TTYH3: variants seen among roughly 807,000 people sequenced by gnomAD.
The protein encoded by TTYH3 is tweety family member 3.
TTYH3 carries 23 observed loss-of-function variants against 68.2 expected under a neutral mutation model. The ratio of observed to expected loss-of-function variants is 0.34; its 90% confidence interval spans 0.24 to 0.48. The LOEUF (loss-of-function observed/expected upper bound fraction) is 0.48. TTYH3 is among the 20% of genes least tolerant of loss of function. The pLI, the probability that TTYH3 is intolerant of heterozygous loss-of-function variation, is 0.99. For missense variants in TTYH3, 768 were observed against 727.7 expected, an observed-to-expected ratio of 1.06 and a Z score of -0.64; for synonymous variants, 360 against 332.8, an observed-to-expected ratio of 1.08 and a Z score of -0.89.
intron 11 of TTYH3, 131 bp from the exon 12 acceptor site, chr7:2,658,155 T>G: frequency 1.1e-6 from 1 of 934,854 alleles, no homozygotes; most frequent in Non-Finnish European, 1.5e-6. Flanking sequence ...CAGTCCCACA[T>G]GGAGTGTGCA....
intron 7 of TTYH3, among the ~76,000 whole-genome samples, chr7:2,651,634 G>C (rs1786180196): frequency 6.6e-6 from 1 of 152,256 alleles, no homozygotes; most frequent in South Asian, 2.1e-4. Flanking sequence ...GCCCCTCCCA[G>C]AAGGCAGCAA....
At position 2,632,288 on chromosome 7, in the gene TTYH3, G is replaced by A. The variant is rs779156372; in HGVS notation, c.123+10G>A. The A allele has an allele frequency of 3.8e-6, 6 of 1,564,520 alleles. 1 individual carries two copies. Among genetic ancestry groups the A allele is most frequent in the Non-Finnish European group, 3.5e-6 (4 of 1,151,830 alleles). On this transcript the variant is annotated intron_variant, in intron 1 of 13. Coordinates refer to ENST00000258796, the MANE Select transcript of TTYH3 (RefSeq NM_025250.3). ...CACCGACTACCAGCAGGTGACATGG[G>A]CCTCTCGGGGTCGCGGGGTCAGGGA...
intron 8 of TTYH3, among the ~76,000 whole-genome samples, chr7:2,652,479 G>T (rs1001412340): frequency 2.6e-5 from 4 of 152,224 alleles, no homozygotes; most frequent in Non-Finnish European, 5.9e-5. Flanking sequence ...CACCCGCATC[G>T]CTGGGACTGC....
At chr7:2,642,614 G>A (rs1436383883) in intron 1 of TTYH3, among the ~76,000 whole-genome samples, 2 of 151,248 alleles carry the variant, frequency 1.3e-5, no homozygotes, top group African/African-American at 4.9e-5. Flanking sequence ...TGTGGTCCAA[G>A]CTACTTGAGA....
Position 2,660,115 on chromosome 7 carries a change from G to A in TTYH3, c.1500+1100G>A, listed in dbSNP as rs918202266. 7.3e-6 allele frequency: 9 copies of A among 1,239,928 alleles called. No individual in the cohort carries two copies. The Admixed American group carries it at 1.8e-4, about 25-fold the overall frequency. 76.8% of individuals were successfully genotyped at this position (1,239,928 alleles called of 1,614,324 possible). A position where few individuals can be genotyped will look rare whatever the true frequency, so the allele number is the denominator to read the frequency against. On this transcript the variant is annotated intron_variant, in intron 13 of 13. Coordinates refer to ENST00000258796, the MANE Select transcript of TTYH3 (RefSeq NM_025250.3). ...CCGCCTCCACCCTGCACTCACTGCC[G>A]CCCTCCCGTCGGCACTGAGCTGGGG...
rs552760153 is a variant in TTYH3 at position 2,648,098 on chromosome 7, G to A, written c.722+44G>A. 3.2e-6 allele frequency: 5 copies of A among 1,554,878 alleles called. No homozygotes were observed. The African/African-American group carries it at 5.4e-5, about 17-fold the overall frequency. On this transcript the variant is annotated intron_variant, in intron 5 of 13. Coordinates refer to ENST00000258796, the MANE Select transcript of TTYH3 (RefSeq NM_025250.3). ...GCCCCCCGTGGGCCCAAAGCGGAGG[G>A]GCAGGGCAAGGCACCATGTTACCCC...
At position 2,647,172 on chromosome 7, in the gene TTYH3, C is replaced by T; in HGVS notation, c.324C>T (p.Asn108=). The part of the protein sequence containing the change: ...SAGIAVGFYG[N]GETSDGIHRA... ...GCATCGCAGTGGGATTCTACGGCAA[C>T]GGGGAGACCAGTGATGGCATCCATA... The change falls in exon 3 of 14, where the codon AAC becomes AAT. Residue 108 remains asparagine, a synonymous_variant. Transcript: ENST00000258796. 1 of 1,606,674 alleles carries T rather than the reference C, an allele frequency of 6.2e-7. No individual in the cohort carries two copies. Among genetic ancestry groups the T allele is most frequent in the Non-Finnish European group, 8.5e-7 (1 of 1,178,044 alleles).
At chr7:2,659,654 G>A (rs746037809) in intron 13 of TTYH3, among the ~76,000 whole-genome samples, 1 of 152,128 alleles carries the variant, frequency 6.6e-6, no homozygotes, top group Non-Finnish European at 1.5e-5. Context: ...GGGGGCGGCC[G>A]GGCTACCAGG....
chr7:2,649,658 G>A lies in TTYH3; in HGVS notation c.795+19G>A, dbSNP rs1157399788. ...GTCCGTGGTGAGTGGCAGAGGGGGT[G>A]AGGTCCCCGGCTGCTGGACCTGGGC... On this transcript the variant is annotated intron_variant, in intron 6 of 13. Coordinates refer to ENST00000258796, the MANE Select transcript of TTYH3 (RefSeq NM_025250.3). The A allele has an allele frequency of 1.9e-6, 3 of 1,589,580 alleles. No individual in the cohort carries two copies. Among genetic ancestry groups the A allele is most frequent in the Non-Finnish European group, 1.7e-6 (2 of 1,173,146 alleles).
At chr7:2,649,846 T>C in intron 6 of TTYH3, 67 bp from the exon 7 acceptor site, 1 of 1,573,976 alleles carries the variant, frequency 6.4e-7, no homozygotes, top group Non-Finnish European at 8.7e-7. Flanking sequence ...GGACGGGTTC[T>C]ACCCCCGAGA....
chr7:2,632,263 C>A lies in TTYH3; in HGVS notation c.108C>A (p.Asp36Glu). The A allele has an allele frequency of 6.3e-7, 1 of 1,583,378 alleles. No individual in the cohort carries two copies. Among genetic ancestry groups the A allele is most frequent in the Non-Finnish European group, 8.6e-7 (1 of 1,162,252 alleles). Residue 36 changes from aspartate to glutamate, a missense_variant, in exon 1 of 14, where the codon GAC becomes GAA. Coordinates refer to ENST00000258796, the MANE Select transcript of TTYH3 (RefSeq NM_025250.3). ...CTAGCAGCCAGTTCCGGCCCGAGGACACCGACTACCAGCAGGTGACATGGG... is the reference window on the plus strand; with the variant it reads ...CTAGCAGCCAGTTCCGGCCCGAGGAAACCGACTACCAGCAGGTGACATGGG... ...EATSSQFRPE[D>E]TDYQQALLLL... is the part of the protein sequence containing the mutation.
At chr7:2,650,451 G>A (rs1186928373) in intron 7 of TTYH3, among the ~76,000 whole-genome samples, 1 of 152,104 alleles carries the variant, frequency 6.6e-6, no homozygotes, top group Non-Finnish European at 1.5e-5. Flanking sequence ...GGTCGTGGGT[G>A]CCTGTAATCC....
At position 2,661,952 on chromosome 7, in the gene TTYH3, T is replaced by G. The variant is rs1786510279; in HGVS notation, c.*213T>G. 3.3e-6 allele frequency: 2 copies of G among 611,720 alleles called. No homozygotes were observed. The highest frequency in any genetic ancestry group is 3.7e-5 in the African/African-American group (2 of 54,180). 37.9% of individuals were successfully genotyped at this position (611,720 alleles called of 1,614,324 possible). A position where few individuals can be genotyped will look rare whatever the true frequency, so the allele number is the denominator to read the frequency against. On this transcript the variant is annotated 3_prime_UTR_variant, in exon 14 of 14. Transcript: ENST00000258796. ...CCGTACCGCCAACTCGGGTCACACC[T>G]GAACGCTGCTGCCAGCCGATGCCCC...
chr7:2,653,682 G>C (rs1199299154), intron 9 of TTYH3, among the ~76,000 whole-genome samples: 1 of 152,186 alleles, frequency 6.6e-6, no homozygotes, highest in Non-Finnish European at 1.5e-5. Context: ...GGCCAACATG[G>C]TGAAACACCA....
rs765238250 is a variant in TTYH3 at position 2,649,669 on chromosome 7, C to T, written c.795+30C>T. 2.6e-5 allele frequency: 41 copies of T among 1,580,174 alleles called. No individual in the cohort carries two copies. In the Admixed American group the frequency reaches 5.7e-4, roughly 22 times the overall value. ...GTGGCAGAGGGGGTGAGGTCCCCGGCTGCTGGACCTGGGCACTGGGGGAGG... is the reference window on the plus strand; with the variant it reads ...GTGGCAGAGGGGGTGAGGTCCCCGGTTGCTGGACCTGGGCACTGGGGGAGG... On this transcript the variant is annotated intron_variant, in intron 6 of 13. Coordinates refer to ENST00000258796, the MANE Select transcript of TTYH3 (RefSeq NM_025250.3).
rs1360173076 is a variant in TTYH3, at chr7:2,662,326, GC to G, written c.*592del. 1.3e-5 allele frequency: 2 copies of G among 157,390 alleles called. No homozygotes were observed. The highest frequency in any genetic ancestry group is 2.8e-5 in the Non-Finnish European group (2 of 71,490). The allele number at this position is 157,390 out of a possible 1,614,324, so 9.7% of individuals were successfully genotyped here. A position where few individuals can be genotyped will look rare whatever the true frequency, so the allele number is the denominator to read the frequency against. On this transcript the variant is annotated 3_prime_UTR_variant, in exon 14 of 14. Coordinates refer to ENST00000258796, the MANE Select transcript of TTYH3 (RefSeq NM_025250.3). ...TCACCCCTCCTGCCGGCTGCCAGAGGCCCCCTCCAGCAGGGCCTCTCTCCGT... is the reference window on the plus strand; with the variant it reads ...TCACCCCTCCTGCCGGCTGCCAGAGGCCCCTCCAGCAGGGCCTCTCTCCGT...
At chr7:2,651,016 C>T (rs1472630980) in intron 7 of TTYH3, among the ~76,000 whole-genome samples, 2 of 148,682 alleles carry the variant, frequency 1.3e-5, no homozygotes, top group Non-Finnish European at 3.0e-5. Flanking sequence ...GGTGGGGGAG[C>T]AGGTCTGGAG....
chr7:2,657,369 T>TA (rs1786364931), intron 11 of TTYH3, among the ~76,000 whole-genome samples: 1 of 151,654 alleles, frequency 6.6e-6, no homozygotes, highest in Admixed American at 6.6e-5. Context: ...ATGGTGATGG[T>TA]GGTGGTGATG....
In TTYH3 at chr7:2,631,999, C is replaced by CAGCCG; in HGVS notation, c.-151_-147dup. ...GCGGGCGGCCGAGCGGAGCCGAGCG[C>CAGCCG]AGCCGAGCCGGGCCGAGCCGGGCCG... On this transcript the variant is annotated 5_prime_UTR_variant, in exon 1 of 14. Transcript: ENST00000258796. 1 of 514,930 alleles carries CAGCCG rather than the reference C, an allele frequency of 1.9e-6. No homozygotes were observed. The highest frequency in any genetic ancestry group is 2.1e-5 in the African/African-American group (1 of 47,482). The allele number at this position is 514,930 out of a possible 1,614,324, so 31.9% of individuals were successfully genotyped here.
Sources: gnomAD v4.1 joint callset for allele counts (sites outside exome capture counted in the v4.1 genomes callset) on GRCh38, gnomAD v4.1.1 for gene constraint, MANE v1.5 for transcripts, NCBI Gene and HGNC (gene_info 2026-07-23, HGNC 2026-07-21) for gene names.